SLC2A7: variants seen among roughly 807,000 people sequenced by gnomAD.
SLC2A7 encodes the protein solute carrier family 2, facilitated glucose transporter member 7.
A neutral mutation model predicts 50.5 loss-of-function variants in SLC2A7; 50 were observed. The ratio of observed to expected loss-of-function variants is 0.99; its 90% CI spans 0.79 to 1.25. The LOEUF (loss-of-function observed/expected upper bound fraction) is 1.25, where lower values mean the gene tolerates loss of function less well. Among genes scored for constraint, SLC2A7 ranks in the 50% most tolerant of loss-of-function variants. SLC2A7 has a pLI of 0.00. For synonymous variants in SLC2A7, 308 were observed against 300.4 expected, an observed-to-expected ratio of 1.03 and a Z score of -0.26; for missense variants, 683 against 679.1, an observed-to-expected ratio of 1.01 and a Z score of -0.06.
At chr1:9,022,862 G>A in intron 3 of SLC2A7, 56 bp downstream of exon 3, 1 of 1,593,338 alleles carries the variant, frequency 6.3e-7, no homozygotes, top group Non-Finnish European at 8.6e-7. Flanking sequence ...AATGCCCAGA[G>A]ACAGTGTGGC....
chr1:9,019,414 C>T (rs1474249753), intron 3 of SLC2A7, 81 bp from the exon 4 acceptor site: 1 of 1,570,298 alleles, frequency 6.4e-7, no homozygotes. Context: ...ATTCTGCGGG[C>T]AGTCACTACA....
chr1:9,009,579 C>T (rs1640712743), intron 9 of SLC2A7, among the ~76,000 whole-genome samples: 1 of 152,210 alleles, frequency 6.6e-6, no homozygotes. Flanking sequence ...ACCTCAGCTT[C>T]CTGAGTAGCT....
At chr1:8,999,842 G>C (rs1640551425), downstream of SLC2A7, among the ~76,000 whole-genome samples, 1 of 152,212 alleles carries the variant, frequency 6.6e-6, no homozygotes, top group African/African-American at 2.4e-5. Flanking sequence ...TCAGTCGTTG[G>C]TGCAGGGCTC....
chr1:8,992,711 G>A, the SLC2A7 span, among the ~76,000 whole-genome samples: 1 of 152,154 alleles, frequency 6.6e-6, no homozygotes, highest in South Asian at 2.1e-4. Context: ...GGGAGGCCTG[G>A]CTTCCAGTAT....
At chr1:9,010,119 A>G (rs67090552) in intron 9 of SLC2A7, 24 bp downstream of exon 9, 131,049 of 1,399,298 alleles carry the variant, frequency 0.094, 8,152 homozygotes, top group East Asian at 0.27. Flanking sequence ...CTCCCCACCC[A>G]GGGGGCAGGA....
downstream of SLC2A7, among the ~76,000 whole-genome samples, chr1:9,001,505 G>C (rs1462504020): frequency 6.8e-6 from 1 of 147,506 alleles, no homozygotes; most frequent in African/African-American, 2.5e-5. Context: ...TGCAACCTCT[G>C]CCTCTCGGGC....
At position 9,004,884 on chromosome 1, in the gene SLC2A7, A is replaced by G; in HGVS notation, c.1193-5T>C. 6.2e-7 allele frequency: 1 copy of G among 1,612,878 alleles called. No homozygotes were observed. ...TCACCACCGAGGGGACAGGACCTGG[A>G]GGGCAGAGCAGGATGGGTGGGGCGG... On this transcript the variant is annotated splice_polypyrimidine_tract_variant and splice_region_variant and intron_variant, in intron 10 of 11. Coordinates refer to ENST00000400906, the MANE Select transcript of SLC2A7 (RefSeq NM_207420.3).
At chr1:8,999,534 A>G (rs1323853959), downstream of SLC2A7, among the ~76,000 whole-genome samples, 2 of 152,188 alleles carry the variant, frequency 1.3e-5, no homozygotes, top group African/African-American at 2.4e-5. Flanking sequence ...ATTTTACTCC[A>G]GAGTGCAGCA....
At chr1:9,012,125 TTGACTCATGTTAGC>T (rs907326695) in intron 8 of SLC2A7, among the ~76,000 whole-genome samples, 4 of 152,158 alleles carry the variant, frequency 2.6e-5, no homozygotes, top group African/African-American at 9.7e-5. Flanking sequence ...GTACAGCCCC[TTGACTCATGTTAGC>T]TGACTCATGT....
chr1:9,014,739 C>T lies in SLC2A7; in HGVS notation c.845G>A (p.Trp282Ter), dbSNP rs749701167. 1.3e-5 allele frequency: 21 copies of T among 1,577,248 alleles called. 1 individual carries two copies. The South Asian group carries it at 2.3e-4, about 17-fold the overall frequency. Residue 282 changes from tryptophan to a stop codon, truncating the protein, a stop_gained, in exon 7 of 12, where the codon TGG (tryptophan) becomes TAG (stop). Coordinates refer to ENST00000400906, the MANE Select transcript of SLC2A7 (RefSeq NM_207420.3). LOFTEE classifies it high-confidence loss of function. ...LHLCALRSLR[W>*]QLLSIIVLMA... The stretch of plus-strand genomic sequence containing the variant: ...GAGCACGATGATGGAGAGGAGCTGC[C>T]AGCGCAGGGACCGCAGGGCACAGAG...
At chr1:9,005,200 G>T (rs533430952) in intron 10 of SLC2A7, among the ~76,000 whole-genome samples, 2 of 152,188 alleles carry the variant, frequency 1.3e-5, no homozygotes, top group African/African-American at 4.8e-5. Flanking sequence ...GAGTGAGTGG[G>T]CTCCAGCTCA....
chr1:9,004,410 CA>C (rs1486927385), intron 11 of SLC2A7, among the ~76,000 whole-genome samples: 1 of 151,522 alleles, frequency 6.6e-6, no homozygotes, highest in African/African-American at 2.4e-5. Context: ...GCTGAGAGCG[CA>C]GAGTTTGTGG....
chr1:9,017,190 C>T (rs1381110577), intron 5 of SLC2A7, among the ~76,000 whole-genome samples: 1 of 152,182 alleles, frequency 6.6e-6, no homozygotes, highest in Non-Finnish European at 1.5e-5. Flanking sequence ...CGTGGTGGCG[C>T]TCGCTTGTAA....
At chr1:9,015,367 G>A (rs1361983114) in intron 5 of SLC2A7, 125 bp from the exon 6 acceptor site, 2 of 1,249,178 alleles carry the variant, frequency 1.6e-6, no homozygotes, top group Non-Finnish European at 2.1e-6. Flanking sequence ...TCTCACCAGG[G>A]TACTCCTACA....
At chr1:9,002,962 A>G (rs138802366), downstream of SLC2A7, among the ~76,000 whole-genome samples, 2,066 of 152,340 alleles carry the variant, frequency 0.014, 15 homozygotes, top group Middle Eastern at 0.048. Flanking sequence ...CAGCTCGGGT[A>G]TCCATAGCAA....
In SLC2A7 at chr1:9,007,296, G is replaced by A. The variant is rs537776693; in HGVS notation, c.1192+14C>T. On this transcript the variant is annotated intron_variant, in intron 10 of 11. Coordinates refer to ENST00000400906, the MANE Select transcript of SLC2A7 (RefSeq NM_207420.3). ...CCAGGATGGCCGGGGCGAGGGAGGCGTGCAGGTACTCACTGGGCCCAATGG... is the reference window on the plus strand; with the variant it reads ...CCAGGATGGCCGGGGCGAGGGAGGCATGCAGGTACTCACTGGGCCCAATGG... The A allele has an allele frequency of 1.2e-5, 19 of 1,613,966 alleles. No individual in the cohort carries two copies. The African/African-American group carries it at 1.6e-4, about 14-fold the overall frequency.
chr1:9,020,891 T>C (rs1569807258), intron 3 of SLC2A7, among the ~76,000 whole-genome samples: 1 of 152,102 alleles, frequency 6.6e-6, no homozygotes, highest in South Asian at 2.1e-4. Context: ...GATGGTTTTA[T>C]AAGGAAGAGT....
the SLC2A7 span, among the ~76,000 whole-genome samples, chr1:8,994,809 C>T: frequency 4.0e-5 from 6 of 151,812 alleles, no homozygotes; most frequent in South Asian, 6.2e-4. Flanking sequence ...CTTGCTCCAT[C>T]GCCCAGGCTG....
intron 1 of SLC2A7, 47 bp downstream of exon 1, chr1:9,026,248 A>T (rs377261523): frequency 1.8e-5 from 29 of 1,587,938 alleles, no homozygotes; most frequent in Non-Finnish European, 2.4e-5. Flanking sequence ...AGGTCTGCAC[A>T]GCTGGTGGGA....
Sources: gnomAD v4.1 joint callset for allele counts (sites outside exome capture counted in the v4.1 genomes callset) on GRCh38, gnomAD v4.1.1 for gene constraint, MANE v1.5 for transcripts, NCBI Gene and HGNC (gene_info 2026-07-23, HGNC 2026-07-21) for gene names.